NAGK: variants seen among roughly 807,000 people sequenced by gnomAD.
NAGK encodes the protein N-acetyl-D-glucosamine kinase.
NAGK carries 35 observed loss-of-function variants against 42.9 expected under a neutral mutation model. That is an observed-to-expected ratio of 0.82 (90% CI 0.62 to 1.08). NAGK has a LOEUF of 1.08. Among genes scored for constraint, NAGK ranks in the 50% least tolerant of loss-of-function variants. The probability of loss-of-function intolerance (pLI) is 0.00; values close to 1 mark genes in which losing one functional copy is unlikely to be tolerated. For synonymous variants in NAGK, 172 were observed against 176.0 expected (o/e 0.98, Z 0.18); for missense variants, 446 against 446.0 (o/e 1.00, Z 0.00).
intron 7 of NAGK, 43 bp from the exon 8 acceptor site, chr2:71,076,561 C>A: frequency 1.3e-6 from 2 of 1,499,160 alleles, no homozygotes; most frequent in South Asian, 2.3e-5. Flanking sequence ...TGGCAGCTCC[C>A]TCCTTTCTCA....
chr2:71,076,935 C>CGT lies in NAGK; in HGVS notation c.765+246_765+247dup, dbSNP rs550829503. On this transcript the variant is annotated intron_variant, in intron 8 of 9. Transcript: ENST00000244204. The stretch of plus-strand genomic sequence containing the variant: ...ATGTATAGTAAATTAGTTTAATGTA[C>CGT]GTGTGTGTGTGTGCTGTCCCCTTTC... 3.9e-5 allele frequency among the ~76,000 whole-genome samples: 6 copies of CGT among 151,902 alleles called. No individual in the cohort carries two copies. The East Asian group carries it at 7.7e-4, about 20-fold the overall frequency.
At chr2:71,071,656 G>T (rs1454622530) in intron 3 of NAGK, 30 bp from the exon 4 acceptor site, 1 of 1,596,016 alleles carries the variant, frequency 6.3e-7, no homozygotes, top group Admixed American at 1.7e-5. Flanking sequence ...CTGGGGCTCT[G>T]CACACTCGCT....
chr2:71,072,359 C>T (rs1010742056), intron 4 of NAGK: 33 of 432,994 alleles, frequency 7.6e-5, no homozygotes, highest in Non-Finnish European at 1.1e-4. Context: ...CAGGTAGAGT[C>T]ACTGGAAGAC....
Position 71,079,121 on chromosome 2 carries a change from A to G in NAGK, c.*613A>G, listed in dbSNP as rs1672321986. The G allele has an allele frequency of 6.6e-6, 1 of 152,410 alleles. No individual in the cohort carries two copies. Among genetic ancestry groups the G allele is most frequent in the Non-Finnish European group, 1.5e-5 (1 of 68,198 alleles). 9.4% of individuals were successfully genotyped at this position (152,410 alleles called of 1,614,324 possible). ...TTTTTCCTATGAATGAGTTTTTGAAAGGTTATGAGGATGGCTGAGATCCAA... is the reference window on the plus strand; with the variant it reads ...TTTTTCCTATGAATGAGTTTTTGAAGGGTTATGAGGATGGCTGAGATCCAA... On this transcript the variant is annotated 3_prime_UTR_variant, in exon 10 of 10. Transcript: ENST00000244204.
At chr2:71,073,324 A>ACCCCCCCCCCCC in intron 5 of NAGK, 158 bp from the exon 6 acceptor site, 2 of 188,394 alleles carry the variant, frequency 1.1e-5, no homozygotes, top group Non-Finnish European at 2.1e-5. Flanking sequence ...AGACCCTCCC[A>ACCCCCCCCCCCC]CCCCCCTCTC....
In NAGK at chr2:71,068,713, G is replaced by T; in HGVS notation, c.29+1G>T. 1 of 1,474,872 alleles carries T rather than the reference G, an allele frequency of 6.8e-7. No individual in the cohort carries two copies. The highest frequency in any genetic ancestry group is 9.0e-7 in the Non-Finnish European group (1 of 1,116,122). 91.4% of individuals were successfully genotyped at this position (1,474,872 alleles called of 1,614,324 possible). On this transcript the variant is annotated splice_donor_variant, in intron 1 of 9. Coordinates refer to ENST00000244204, the MANE Select transcript of NAGK (RefSeq NM_017567.6). LOFTEE classifies it high-confidence loss of function. Reference sequence around the variant, plus strand: ...CCGCGATCTATGGGGGTGTAGAGGGGTGAGTGCGGCCCGGCGGAGGGAGCC... The same window carrying T: ...CCGCGATCTATGGGGGTGTAGAGGGTTGAGTGCGGCCCGGCGGAGGGAGCC...
intron 8 of NAGK, 95 bp downstream of exon 8, chr2:71,076,796 T>G: frequency 2.0e-6 from 2 of 1,009,592 alleles, no homozygotes; most frequent in Admixed American, 4.8e-5. Context: ...CCTGCATAGA[T>G]TGGATACTAT....
At chr2:71,075,862 T>A (rs1861853) in intron 7 of NAGK, 119,218 of 569,610 alleles carry the variant, frequency 0.21, 13,897 homozygotes, top group Non-Finnish European at 0.24. Context: ...TTTTTTTCTT[T>A]AATAGCTATC....
At chr2:71,073,165 C>T (rs145571696) in intron 5 of NAGK, 147 of 489,420 alleles carry the variant, frequency 3.0e-4, no homozygotes, top group Middle Eastern at 1.1e-3. Flanking sequence ...CCTTGAGGTC[C>T]AGTTCATGGC....
chr2:71,075,929 T>C (rs2103715623), intron 7 of NAGK: 1 of 465,246 alleles, frequency 2.1e-6, no homozygotes, highest in Non-Finnish European at 3.9e-6. Flanking sequence ...AGTTGTCCTT[T>C]GGACAAATCT....
chr2:71,072,056 C>G (rs1232921307), intron 4 of NAGK, among the ~76,000 whole-genome samples: 3 of 152,108 alleles, frequency 2.0e-5, no homozygotes, highest in African/African-American at 7.2e-5. Flanking sequence ...ACATAACTCC[C>G]CTGCAGATGA....
chr2:71,070,658 G>A (rs1438576279), intron 2 of NAGK, 72 bp downstream of exon 2: 25 of 1,604,576 alleles, frequency 1.6e-5, no homozygotes, highest in Non-Finnish European at 2.1e-5. Flanking sequence ...TTGAGGTGGT[G>A]GCTGGGACTC....
At chr2:71,074,671 T>TCC (rs1409982515) in intron 6 of NAGK, 20 of 152,360 alleles carry the variant, frequency 1.3e-4, no homozygotes, top group African/African-American at 4.6e-4. Context: ...TCCCAGCACT[T>TCC]TGAGAGGCCA....
At chr2:71,070,717 CCTT>C (rs770698096) in intron 2 of NAGK, 21 bp from the exon 3 acceptor site, 178 of 1,614,110 alleles carry the variant, frequency 1.1e-4, no homozygotes, top group Admixed American at 3.7e-4. Flanking sequence ...CTTTGTAACT[CCTT>C]CTTCCCTTGA....
At chr2:71,071,950 C>A in intron 4 of NAGK, 123 bp downstream of exon 4, 1 of 1,291,740 alleles carries the variant, frequency 7.7e-7, no homozygotes, top group Non-Finnish European at 1.1e-6. Context: ...TTCCCCTCAA[C>A]TCTTTAAGTA....
upstream of NAGK, chr2:71,068,330 C>A (rs530432762): frequency 3.6e-6 from 2 of 549,690 alleles, no homozygotes; most frequent in Non-Finnish European, 5.7e-6. Flanking sequence ...CGTTTACAGG[C>A]AGGCAGGTCA....
intron 9 of NAGK, 40 bp downstream of exon 9, chr2:71,077,676 CG>C (rs1285283109): frequency 4.5e-6 from 7 of 1,569,988 alleles, no homozygotes; most frequent in Non-Finnish European, 5.2e-6. Context: ...GGGCAGGGGA[CG>C]GGGCTGGAAA....
intron 9 of NAGK, 62 bp downstream of exon 9, chr2:71,077,698 C>T: frequency 6.5e-7 from 1 of 1,541,904 alleles, no homozygotes; most frequent in East Asian, 2.4e-5. Context: ...GGAGGTGGCC[C>T]AGGAAAGCTT....
chr2:71,078,239 T>A (rs1260751381), intron 9 of NAGK, 79 bp from the exon 10 acceptor site: 13 of 1,445,626 alleles, frequency 9.0e-6, no homozygotes, highest in African/African-American at 1.4e-5. Context: ...GGTCTGGGCG[T>A]CCTTGTCTGT....
Sources: gnomAD v4.1 joint callset for allele counts (sites outside exome capture counted in the v4.1 genomes callset) on GRCh38, gnomAD v4.1.1 for gene constraint, MANE v1.5 for transcripts, NCBI Gene and HGNC (gene_info 2026-07-23, HGNC 2026-07-21) for gene names.